The following RBMS3 variants were observed in gnomAD, a reference collection of about 807,000 sequenced individuals.
RBMS3 encodes RNA binding motif single stranded interacting protein 3, also known as RNA-binding motif, single-stranded-interacting protein 3.
A neutral mutation model predicts 66.8 loss-of-function variants in RBMS3; 27 were observed. The ratio of observed to expected loss-of-function variants is 0.40; its 90% CI spans 0.30 to 0.56. RBMS3 has a LOEUF of 0.56. Ranked by LOEUF, RBMS3 falls within the 20% of genes least tolerant of loss-of-function variation. The probability of loss-of-function intolerance (pLI) is 0.40; values close to 1 mark genes in which losing one functional copy is unlikely to be tolerated. For missense variants in RBMS3, 513 were observed against 549.5 expected (o/e 0.93, Z 0.66); for synonymous variants, 188 against 183.0 (o/e 1.03, Z -0.22).
chr3:29,524,140 A>G (rs972009693), intron 3 of RBMS3, among the ~76,000 whole-genome samples: 64 of 152,182 alleles, frequency 4.2e-4, no homozygotes, highest in African/African-American at 1.5e-3. Context: ...TCTTTTTCCA[A>G]CTATTACCAT....
In RBMS3 at chr3:29,497,973, A is replaced by ATTTTTTTTTTTTTTTTTTT. The variant is rs779555263; in HGVS notation, c.307+9493_307+9511dup. On this transcript the variant is annotated intron_variant, in intron 3 of 14. Transcript: ENST00000383767. ...TCAGAGTTATTCTCTAAAAGTATTC[A>ATTTTTTTTTTTTTTTTTTT]TTTTTTTTTTTTTTTTTTTTTTTTT... Among the ~76,000 whole-genome samples the ATTTTTTTTTTTTTTTTTTT allele has an allele frequency of 4.1e-4, 18 of 43,438 alleles. 7 individuals are homozygous for ATTTTTTTTTTTTTTTTTTT. Among genetic ancestry groups the ATTTTTTTTTTTTTTTTTTT allele is most frequent in the African/African-American group, 1.4e-3 (14 of 10,156 alleles). The allele number at this position is 43,438 out of a possible 152,430, so 28.5% of individuals were successfully genotyped here.
chr3:29,802,496 G>A (rs1235777140), intron 6 of RBMS3, among the ~76,000 whole-genome samples: 2 of 152,182 alleles, frequency 1.3e-5, no homozygotes, highest in Non-Finnish European at 2.9e-5. Flanking sequence ...TTCTAGACTA[G>A]CACAATACTT....
intron 2 of RBMS3, among the ~76,000 whole-genome samples, chr3:29,443,765 A>G (rs1186896006): frequency 2.0e-5 from 3 of 152,260 alleles, no homozygotes; most frequent in East Asian, 3.9e-4. Context: ...TAAGATCACA[A>G]TGGTAGAGGA....
chr3:29,659,197 T>C (rs373543364), intron 4 of RBMS3, among the ~76,000 whole-genome samples: 28 of 152,310 alleles, frequency 1.8e-4, no homozygotes, highest in East Asian at 7.7e-4. Context: ...TACAGAGATT[T>C]TTTTTCCAAT....
intron 4 of RBMS3, among the ~76,000 whole-genome samples, chr3:29,617,602 G>A (rs758249514): frequency 1.3e-5 from 2 of 152,076 alleles, no homozygotes; most frequent in Admixed American, 6.5e-5. Flanking sequence ...TTGCCATATA[G>A]GAACCTATAT....
At chr3:29,444,262 T>C (rs150740011) in intron 2 of RBMS3, among the ~76,000 whole-genome samples, 2 of 152,066 alleles carry the variant, frequency 1.3e-5, no homozygotes, top group East Asian at 1.9e-4. Context: ...CATTTAGATG[T>C]CATGCCAATT....
chr3:29,349,679 T>G (rs2036787912), intron 1 of RBMS3, among the ~76,000 whole-genome samples: 1 of 152,224 alleles, frequency 6.6e-6, no homozygotes, highest in African/African-American at 2.4e-5. Flanking sequence ...CTCTGACATT[T>G]TGCAAATGGT....
chr3:29,739,608 A>G (rs2149349112), intron 4 of RBMS3, 112 bp from the exon 5 acceptor site: 2 of 1,004,668 alleles, frequency 2.0e-6, no homozygotes, highest in East Asian at 2.6e-5. Context: ...AGCACTTTCA[A>G]GAGCATTTTG....
At chr3:29,423,881 C>G (rs899739144) in intron 1 of RBMS3, among the ~76,000 whole-genome samples, 4 of 152,132 alleles carry the variant, frequency 2.6e-5, no homozygotes, top group Admixed American at 2.6e-4. Context: ...TGCTTAGCTT[C>G]AGGTCCTGGG....
intron 4 of RBMS3, among the ~76,000 whole-genome samples, chr3:29,647,783 T>G (rs1199046811): frequency 6.6e-6 from 1 of 152,226 alleles, no homozygotes; most frequent in Non-Finnish European, 1.5e-5. Context: ...AACTAATGTG[T>G]GTGATAGTCA....
chr3:29,863,964 T>A (rs931566866), intron 6 of RBMS3, among the ~76,000 whole-genome samples: 21 of 152,160 alleles, frequency 1.4e-4, no homozygotes, highest in Non-Finnish European at 2.9e-4. Flanking sequence ...AATAAGGGAA[T>A]TGGGAAAGAC....
At chr3:29,865,889 C>T (rs946680825) in intron 6 of RBMS3, among the ~76,000 whole-genome samples, 1 of 152,082 alleles carries the variant, frequency 6.6e-6, no homozygotes, top group East Asian at 1.9e-4. Flanking sequence ...ATTTCTAATT[C>T]AGTATTGTTA....
chr3:29,763,098 G>A, intron 6 of RBMS3, 109 bp downstream of exon 6: 1 of 681,612 alleles, frequency 1.5e-6, no homozygotes, highest in South Asian at 2.2e-5. Context: ...TGGGGGGTTT[G>A]CTTTTCTTAA....
At chr3:29,509,391 T>G (rs1410871673) in intron 3 of RBMS3, among the ~76,000 whole-genome samples, 1 of 152,226 alleles carries the variant, frequency 6.6e-6, no homozygotes, top group African/African-American at 2.4e-5. Context: ...TGTACATAAA[T>G]TATTCTAAGA....
chr3:29,379,737 G>A (rs942609981), intron 1 of RBMS3, among the ~76,000 whole-genome samples: 3 of 152,140 alleles, frequency 2.0e-5, no homozygotes, highest in Admixed American at 2.0e-4. Context: ...TTGACTGAAC[G>A]TATTTGCTAA....
chr3:29,335,125 T>A (rs2035874183), intron 1 of RBMS3, among the ~76,000 whole-genome samples: 1 of 151,714 alleles, frequency 6.6e-6, no homozygotes, highest in Admixed American at 6.6e-5. Context: ...ATTTTTTTTT[T>A]AATGGTTAAC....
chr3:29,410,738 G>A (rs1439768855), intron 1 of RBMS3, among the ~76,000 whole-genome samples: 1 of 152,178 alleles, frequency 6.6e-6, no homozygotes, highest in African/African-American at 2.4e-5. Flanking sequence ...AACATGATGA[G>A]CCCTCTGTTT....
chr3:29,791,973 T>A (rs2057026887), intron 6 of RBMS3, among the ~76,000 whole-genome samples: 1 of 152,224 alleles, frequency 6.6e-6, no homozygotes. Context: ...ATGAAAAATC[T>A]TAATCTCCAA....
At chr3:29,395,281 G>A (rs2039494428) in intron 1 of RBMS3, among the ~76,000 whole-genome samples, 1 of 152,164 alleles carries the variant, frequency 6.6e-6, no homozygotes, top group African/African-American at 2.4e-5. Flanking sequence ...GTATTAGCTT[G>A]TCAACTGACA....
Sources: allele counts gnomAD v4.1 joint callset (sites outside exome capture counted in the v4.1 genomes callset), GRCh38; gene constraint gnomAD v4.1.1; transcripts MANE v1.5; gene names NCBI Gene and HGNC (gene_info 2026-07-23, HGNC 2026-07-21).